PHF24: variants seen among roughly 807,000 people sequenced by gnomAD.
PHF24 encodes Galpha inhibitory interacting protein.
A neutral mutation model predicts 42.6 loss-of-function variants in PHF24; 25 were observed. The observed-to-expected ratio is 0.59, with a 90% CI of 0.43 to 0.82. The LOEUF (loss-of-function observed/expected upper bound fraction) is 0.82. PHF24 is among the 40% of genes least tolerant of loss of function. The pLI, the probability that PHF24 is intolerant of heterozygous loss-of-function variation, is 0.00. For synonymous variants in PHF24, 185 were observed against 204.8 expected, an observed-to-expected ratio of 0.90 and a Z score of 0.83; for missense variants, 470 against 538.1, an observed-to-expected ratio of 0.87 and a Z score of 1.25.
At chr9:34,840,751 T>G in the PHF24 span, among the ~76,000 whole-genome samples, 1 of 152,180 alleles carries the variant, frequency 6.6e-6, no homozygotes, top group East Asian at 1.9e-4. Flanking sequence ...TTAATGTCTT[T>G]AATATTTTCC....
chr9:34,767,126 C>T, the PHF24 span, among the ~76,000 whole-genome samples: 2 of 152,162 alleles, frequency 1.3e-5, no homozygotes, highest in African/African-American at 4.8e-5. Context: ...GGGGTGTCTC[C>T]CAGTTAGGCT....
At chr9:34,871,139 T>G in the PHF24 span, among the ~76,000 whole-genome samples, 3 of 152,238 alleles carry the variant, frequency 2.0e-5, no homozygotes, top group African/African-American at 7.2e-5. Flanking sequence ...TTTGGCCATT[T>G]TAATAGCTAT....
chr9:34,838,476 A>G, the PHF24 span: 2 of 1,333,252 alleles, frequency 1.5e-6, no homozygotes, highest in Non-Finnish European at 2.1e-6. Flanking sequence ...CCCACAGAAC[A>G]AAAGTAGGGC....
chr9:34,684,603 A>G, the PHF24 span, among the ~76,000 whole-genome samples: 1 of 152,166 alleles, frequency 6.6e-6, no homozygotes, highest in Admixed American at 6.5e-5. Context: ...GGGACATCCT[A>G]TCAGGAATGG....
the PHF24 span, among the ~76,000 whole-genome samples, chr9:34,836,542 T>C: frequency 6.6e-6 from 1 of 152,248 alleles, no homozygotes; most frequent in African/African-American, 2.4e-5. Context: ...TCCCTGATGA[T>C]GTACCCAACA....
the PHF24 span, among the ~76,000 whole-genome samples, chr9:34,712,151 C>T: frequency 2.0e-5 from 3 of 151,828 alleles, no homozygotes; most frequent in Middle Eastern, 3.2e-3. Flanking sequence ...GTCTTTTGGC[C>T]TCCCATGGTT....
At chr9:34,914,350 ATAATC>A in the PHF24 span, among the ~76,000 whole-genome samples, 1 of 152,166 alleles carries the variant, frequency 6.6e-6, no homozygotes, top group Non-Finnish European at 1.5e-5. Context: ...CCTTCAATAT[ATAATC>A]TAAGCTCTTT....
chr9:34,856,669 A>AG, the PHF24 span, among the ~76,000 whole-genome samples: 1 of 152,180 alleles, frequency 6.6e-6, no homozygotes. Context: ...GCTCCGTCCC[A>AG]GGGGGGCACC....
the PHF24 span, among the ~76,000 whole-genome samples, chr9:34,925,303 A>C: frequency 6.6e-6 from 1 of 152,142 alleles, no homozygotes; most frequent in Non-Finnish European, 1.5e-5. Flanking sequence ...TTGGCTTTTT[A>C]CAATTTGACT....
the PHF24 span, chr9:34,917,392 C>T: frequency 2.6e-6 from 2 of 771,498 alleles, no homozygotes; most frequent in Non-Finnish European, 4.8e-6. Flanking sequence ...AGTCTGAAGG[C>T]TCCAACAGTG....
the PHF24 span, among the ~76,000 whole-genome samples, chr9:34,733,859 A>G: frequency 2.0e-5 from 3 of 152,114 alleles, no homozygotes; most frequent in African/African-American, 7.2e-5. Context: ...TGAAGTTATA[A>G]AAAAGTTCCA....
chr9:34,677,260 C>T, the PHF24 span, among the ~76,000 whole-genome samples: 1 of 152,152 alleles, frequency 6.6e-6, no homozygotes, highest in Admixed American at 6.5e-5. Context: ...TTCCTCTTCT[C>T]TATTCCAACT....
chr9:34,838,478 A>G, the PHF24 span: 1 of 1,335,694 alleles, frequency 7.5e-7, no homozygotes. Flanking sequence ...CACAGAACAA[A>G]AGTAGGGCTC....
At chr9:34,670,535 A>G in the PHF24 span, among the ~76,000 whole-genome samples, 1 of 150,808 alleles carries the variant, frequency 6.6e-6, no homozygotes, top group Non-Finnish European at 1.5e-5. Context: ...CTCTTTCACA[A>G]CTCTCCGCAG....
chr9:34,978,136 A>G, exon 8 of PHF24: 1 of 1,550,998 alleles, frequency 6.4e-7, no homozygotes, highest in African/African-American at 1.4e-5. Context: ...GCTCGGTTTG[A>G]GGACAGTGAC....
chr9:34,806,872 A>G, the PHF24 span, among the ~76,000 whole-genome samples: 1 of 152,366 alleles, frequency 6.6e-6, no homozygotes, highest in African/African-American at 2.4e-5. Flanking sequence ...ACATGGAAAT[A>G]AAATTAAGTT....
chr9:34,859,119 A>G, the PHF24 span, among the ~76,000 whole-genome samples: 1 of 151,980 alleles, frequency 6.6e-6, no homozygotes, highest in Non-Finnish European at 1.5e-5. Flanking sequence ...TAATGTCTTG[A>G]TCTCTCAAAA....
chr9:34,790,053 G>C, the PHF24 span, among the ~76,000 whole-genome samples: 76 of 152,124 alleles, frequency 5.0e-4, no homozygotes, highest in East Asian at 0.011. Flanking sequence ...TCACTATATT[G>C]CCCAGGCTGA....
chr9:34,972,735 G>A (rs1827042503), intron 3 of PHF24, among the ~76,000 whole-genome samples: 1 of 152,084 alleles, frequency 6.6e-6, no homozygotes, highest in African/African-American at 2.4e-5. Flanking sequence ...CCAACATGGT[G>A]AAACCCCATC....
Sources: gnomAD v4.1 joint callset for allele counts (sites outside exome capture counted in the v4.1 genomes callset) on GRCh38, gnomAD v4.1.1 for gene constraint, MANE v1.5 for transcripts, NCBI Gene and HGNC (gene_info 2026-07-23, HGNC 2026-07-21) for gene names.